Variants in KCNIP4 observed in about 807,000 individuals in gnomAD.
KCNIP4 encodes the protein Kv channel-interacting protein 4.
In KCNIP4, 12 loss-of-function variants were observed where a neutral mutation model predicts 34.0. That is an observed-to-expected ratio of 0.35 (90% CI 0.23 to 0.57). The LOEUF (loss-of-function observed/expected upper bound fraction) is 0.57. Ranked by LOEUF, KCNIP4 falls within the 20% of genes least tolerant of loss-of-function variation. The probability of loss-of-function intolerance (pLI) is 0.83; values close to 1 mark genes in which losing one functional copy is unlikely to be tolerated. For missense variants in KCNIP4, 238 were observed against 311.7 expected (o/e 0.76, Z 1.78); for synonymous variants, 124 against 102.2 (o/e 1.21, Z -1.29).
intron 1 of KCNIP4, among the ~76,000 whole-genome samples, chr4:21,528,102 C>A (rs1027727277): frequency 6.6e-6 from 1 of 152,256 alleles, no homozygotes. Context: ...AATGAAAGTA[C>A]TTAATTGAAT....
intron 1 of KCNIP4, among the ~76,000 whole-genome samples, chr4:20,916,533 G>A (rs565813858): frequency 6.6e-6 from 1 of 152,236 alleles, no homozygotes; most frequent in African/African-American, 2.4e-5. Flanking sequence ...AACACATGAG[G>A]TTCAAGAGAT....
At chr4:21,012,140 G>C (rs1411041350) in intron 1 of KCNIP4, among the ~76,000 whole-genome samples, 1 of 152,174 alleles carries the variant, frequency 6.6e-6, no homozygotes, top group Non-Finnish European at 1.5e-5. Flanking sequence ...TGGGCTTATA[G>C]AGAACAGAGT....
At chr4:21,709,667 A>G (rs75582305) in intron 1 of KCNIP4, among the ~76,000 whole-genome samples, 2,649 of 152,348 alleles carry the variant, frequency 0.017, 76 homozygotes, top group African/African-American at 0.052. Flanking sequence ...AAATAACGGT[A>G]GTATTAAAAC....
intron 1 of KCNIP4, among the ~76,000 whole-genome samples, chr4:21,515,642 A>AC (rs1734695912): frequency 5.9e-5 from 9 of 151,970 alleles, no homozygotes; most frequent in Admixed American, 5.9e-4. Context: ...GTCTAAAAAA[A>AC]AGAAAAGAAG....
intron 1 of KCNIP4, among the ~76,000 whole-genome samples, chr4:21,152,859 T>G (rs1752858089): frequency 6.6e-6 from 1 of 152,222 alleles, no homozygotes; most frequent in African/African-American, 2.4e-5. Context: ...TATTCCCTGA[T>G]GATCTGAGGT....
At chr4:21,428,036 A>AT (rs553343365) in intron 1 of KCNIP4, among the ~76,000 whole-genome samples, 50 of 152,112 alleles carry the variant, frequency 3.3e-4, no homozygotes, top group African/African-American at 5.5e-4. Context: ...AGGAGAGAGT[A>AT]TTTTTTTTAT....
chr4:21,652,415 ATGTCAGGTGGGAGGT>A (rs1747569492), intron 1 of KCNIP4, among the ~76,000 whole-genome samples: 1 of 152,164 alleles, frequency 6.6e-6, no homozygotes, highest in Non-Finnish European at 1.5e-5. Context: ...TAAAATGGGG[ATGTCAGGTGGGAGGT>A]GGAACACCCA....
At chr4:21,029,837 T>C (rs1407426506) in intron 1 of KCNIP4, among the ~76,000 whole-genome samples, 2 of 152,188 alleles carry the variant, frequency 1.3e-5, no homozygotes, top group Admixed American at 6.5e-5. Flanking sequence ...CTTAATGTAA[T>C]AAAATAATGA....
At chr4:21,395,708 T>C (rs1408074170) in intron 1 of KCNIP4, among the ~76,000 whole-genome samples, 4 of 152,158 alleles carry the variant, frequency 2.6e-5, no homozygotes, top group Non-Finnish European at 4.4e-5. Context: ...ATTGAGGAAA[T>C]GTCCTATAGA....
intron 1 of KCNIP4, among the ~76,000 whole-genome samples, chr4:20,948,271 G>A (rs527247603): frequency 2.6e-5 from 4 of 152,332 alleles, no homozygotes; most frequent in Admixed American, 2.6e-4. Flanking sequence ...TTGGATGCCT[G>A]AAAAGTGCAG....
chr4:21,736,003 A>C (rs1715968143), intron 1 of KCNIP4, among the ~76,000 whole-genome samples: 1 of 152,176 alleles, frequency 6.6e-6, no homozygotes, highest in African/African-American at 2.4e-5. Context: ...TGCAAGAAGA[A>C]AGGAAATCAG....
chr4:20,814,440 G>A (rs79782833), intron 3 of KCNIP4, among the ~76,000 whole-genome samples: 7,776 of 152,238 alleles, frequency 0.051, 255 homozygotes, highest in African/African-American at 0.075. Context: ...TTACCAGGGA[G>A]CATTGCCTTA....
At chr4:21,604,488 G>T (rs1743475183) in intron 1 of KCNIP4, among the ~76,000 whole-genome samples, 1 of 152,022 alleles carries the variant, frequency 6.6e-6, no homozygotes, top group Non-Finnish European at 1.5e-5. Flanking sequence ...GCAATATACA[G>T]TAATACCACC....
intron 1 of KCNIP4, among the ~76,000 whole-genome samples, chr4:21,542,851 A>C (rs1737822677): frequency 6.6e-6 from 1 of 151,772 alleles, no homozygotes; most frequent in African/African-American, 2.4e-5. Flanking sequence ...AAATAATTAC[A>C]TTAAAAATTA....
chr4:21,347,005 A>C (rs919885329), intron 1 of KCNIP4, among the ~76,000 whole-genome samples: 1 of 152,152 alleles, frequency 6.6e-6, no homozygotes, highest in Non-Finnish European at 1.5e-5. Context: ...ACACCAATAT[A>C]ATGGTTAAGA....
At chr4:20,730,298 C>T (rs1747710619) in intron 8 of KCNIP4, among the ~76,000 whole-genome samples, 169 bp from the exon 9 acceptor site, 1 of 152,164 alleles carries the variant, frequency 6.6e-6, no homozygotes, top group South Asian at 2.1e-4. Context: ...TATCCATTTT[C>T]CACATAGATG....
chr4:21,708,679 A>T (rs1447264407), intron 1 of KCNIP4, among the ~76,000 whole-genome samples: 1 of 152,124 alleles, frequency 6.6e-6, no homozygotes, highest in Non-Finnish European at 1.5e-5. Context: ...ACAAATCACA[A>T]GTGAGTCAAG....
chr4:20,936,823 G>A (rs1028163399), intron 1 of KCNIP4, among the ~76,000 whole-genome samples: 1 of 152,178 alleles, frequency 6.6e-6, no homozygotes. Context: ...GCTGGTACCT[G>A]AAAAATGGCT....
Position 21,305,846 on chromosome 4 carries a change from C to A in KCNIP4, c.62-423137G>T, listed in dbSNP as rs188564480. Among the ~76,000 whole-genome samples, 32 of 152,316 alleles carry A rather than the reference C, an allele frequency of 2.1e-4. No individual in the cohort carries two copies. The East Asian group carries it at 6.0e-3, about 28-fold the overall frequency. On this transcript the variant is annotated intron_variant, in intron 1 of 8. Transcript: ENST00000382152. ...TCTTAAAACTCTTTCATGGAAACTT[C>A]AACCAGAATTGGATCAAATCTCTCT...
Sources: allele counts gnomAD v4.1 joint callset (sites outside exome capture counted in the v4.1 genomes callset), GRCh38; gene constraint gnomAD v4.1.1; transcripts MANE v1.5; gene names NCBI Gene and HGNC (gene_info 2026-07-23, HGNC 2026-07-21).